The following HPRT1 variants were observed in gnomAD, a reference collection of about 807,000 sequenced individuals.
The protein encoded by HPRT1 is hypoxanthine-guanine phosphoribosyltransferase.
HPRT1 carries 4 observed loss-of-function variants against 19.0 expected under a neutral mutation model. The ratio of observed to expected loss-of-function variants is 0.21; its 90% CI spans 0.10 to 0.48. The LOEUF is 0.48. Ranked by LOEUF, HPRT1 falls within the 20% of genes least tolerant of loss-of-function variation. The pLI is 0.98. For synonymous variants in HPRT1, 53 were observed against 54.9 expected (o/e 0.97, Z 0.15); for missense variants, 65 against 164.0 (o/e 0.40, Z 3.30).
chrX:134,487,512 A>G (rs1390225343), intron 4 of HPRT1, among the ~76,000 whole-genome samples: 1 of 111,530 alleles, frequency 9.0e-6, no homozygotes, highest in African/African-American at 3.3e-5. Context: ...CCATTTTACA[A>G]ATCAGGAAAT....
At chrX:134,483,177 G>T (rs2077644358) in intron 3 of HPRT1, among the ~76,000 whole-genome samples, 1 of 111,040 alleles carries the variant, frequency 9.0e-6, no homozygotes, top group African/African-American at 3.3e-5. Flanking sequence ...ACCCAGCCTT[G>T]TTGATTAGCC....
At chrX:134,460,559 C>T (rs1286235023) in intron 1 of HPRT1, 4 of 243,859 alleles carry the variant, frequency 1.6e-5, no homozygotes, top group African/African-American at 5.8e-5. Context: ...CGGGGGAGCC[C>T]TGGGAAAAGA....
chrX:134,499,233 C>T (rs1333548829), intron 8 of HPRT1, among the ~76,000 whole-genome samples: 1 of 111,971 alleles, frequency 8.9e-6, no homozygotes. Context: ...AATCCTAGCA[C>T]TTTGGGAGGC....
intron 3 of HPRT1, among the ~76,000 whole-genome samples, chrX:134,477,433 A>G (rs2077628794): frequency 9.0e-6 from 1 of 111,152 alleles, no homozygotes; most frequent in Admixed American, 9.7e-5. Flanking sequence ...TGTTTTAACT[A>G]TACAATTCCA....
At chrX:134,472,808 C>T (rs1271592140) in intron 1 of HPRT1, among the ~76,000 whole-genome samples, 2 of 111,634 alleles carry the variant, frequency 1.8e-5, no homozygotes, top group African/African-American at 6.5e-5. Context: ...CTCCTGACCT[C>T]AGGTGATCCA....
chrX:134,483,513 A>G (rs2077645094), intron 3 of HPRT1, among the ~76,000 whole-genome samples: 1 of 111,673 alleles, frequency 9.0e-6, no homozygotes, highest in South Asian at 3.7e-4. Context: ...TGAGTTCAGG[A>G]CAGATTGGAC....
At chrX:134,478,441 A>AC (rs993352873) in intron 3 of HPRT1, among the ~76,000 whole-genome samples, 1 of 109,832 alleles carries the variant, frequency 9.1e-6, no homozygotes, top group Non-Finnish European at 1.9e-5. Context: ...ACATAATGAG[A>AC]CCCCCTCTCT....
intron 6 of HPRT1, among the ~76,000 whole-genome samples, chrX:134,495,571 T>C (rs1222609101): frequency 8.9e-6 from 1 of 111,921 alleles, no homozygotes; most frequent in Non-Finnish European, 1.9e-5. Context: ...AAGATAGTAA[T>C]ATTTTTCACA....
chrX:134,479,993 C>T (rs1243908049), intron 3 of HPRT1, among the ~76,000 whole-genome samples: 3 of 110,270 alleles, frequency 2.7e-5, no homozygotes, highest in Non-Finnish European at 3.8e-5. Context: ...AAAGTTGATA[C>T]ACAAGTAAAT....
intron 5 of HPRT1, 33 bp downstream of exon 5, chrX:134,490,238 A>G: frequency 1.1e-6 from 1 of 901,756 alleles, no homozygotes; most frequent in Non-Finnish European, 1.6e-6. Context: ...TATAACATTT[A>G]TGACTTTTCT....
chrX:134,461,125 T>C (rs780906911), intron 1 of HPRT1, among the ~76,000 whole-genome samples: 2 of 111,817 alleles, frequency 1.8e-5, no homozygotes, highest in Non-Finnish European at 3.8e-5. Context: ...CCGGCCAAGC[T>C]GCTGGCCTCC....
chrX:134,492,488 A>T (rs2077670312), intron 5 of HPRT1: 1 of 327,884 alleles, frequency 3.0e-6, no homozygotes, highest in African/African-American at 2.7e-5. Context: ...GGGACTCATG[A>T]TCCTCTTCAA....
At chrX:134,473,518 ACAT>A (rs1163299774) in intron 2 of HPRT1, 53 bp downstream of exon 2, 29 of 727,750 alleles carry the variant, frequency 4.0e-5, no homozygotes, top group Admixed American at 2.5e-4. Flanking sequence ...TTAATTTCAA[ACAT>A]CAGCAGCTGT....
intron 8 of HPRT1, 83 bp downstream of exon 8, chrX:134,498,767 A>G (rs1324855717): frequency 1.6e-6 from 1 of 644,676 alleles, no homozygotes; most frequent in African/African-American, 2.2e-5. Flanking sequence ...TCCTTCCAGC[A>G]CCTCATAATT....
intron 3 of HPRT1, among the ~76,000 whole-genome samples, chrX:134,481,080 AACTCACATAGTT>A (rs1459611698): frequency 9.1e-6 from 1 of 110,134 alleles, no homozygotes; most frequent in Admixed American, 9.7e-5. Flanking sequence ...CGTATCCCTC[AACTCACATAGTT>A]ACCCATTTTT....
chrX:134,492,048 C>CATAT (rs1391961210), intron 5 of HPRT1, among the ~76,000 whole-genome samples: 1 of 92,831 alleles, frequency 1.1e-5, no homozygotes, highest in African/African-American at 4.2e-5. Context: ...CACACACACA[C>CATAT]ATATATATAT....
chrX:134,462,748 C>G (rs1172092679), intron 1 of HPRT1, among the ~76,000 whole-genome samples: 1 of 112,358 alleles, frequency 8.9e-6, no homozygotes, highest in African/African-American at 3.2e-5. Context: ...TTGCAAATCC[C>G]TCTTCCTTTT....
intron 4 of HPRT1, among the ~76,000 whole-genome samples, chrX:134,487,172 C>A (rs2077656130): frequency 1.8e-5 from 2 of 111,604 alleles, no homozygotes; most frequent in African/African-American, 6.5e-5. Context: ...CCTTAAAATT[C>A]TCCTAGTGTG....
intron 1 of HPRT1, among the ~76,000 whole-genome samples, chrX:134,472,822 G>A (rs376415323): frequency 9.0e-6 from 1 of 111,730 alleles, no homozygotes; most frequent in Non-Finnish European, 1.9e-5. Context: ...TGATCCACCC[G>A]CCTCGGCCTC....
Sources: allele counts gnomAD v4.1 joint callset (sites outside exome capture counted in the v4.1 genomes callset), GRCh38; gene constraint gnomAD v4.1.1; transcripts MANE v1.5; gene names NCBI Gene and HGNC (gene_info 2026-07-23, HGNC 2026-07-21).